ATF7IP: variants seen among roughly 807,000 people sequenced by gnomAD.
The protein encoded by ATF7IP is activating transcription factor 7-interacting protein 1.
In ATF7IP, 23 loss-of-function variants were observed where a neutral mutation model predicts 106.4. That is an observed-to-expected ratio of 0.22 (90% CI 0.16 to 0.31). The LOEUF (loss-of-function observed/expected upper bound fraction) is 0.31, where lower values mean the gene tolerates loss of function less well. ATF7IP is among the 10% of genes least tolerant of loss of function. The pLI is 1.00. For missense variants in ATF7IP, 1,334 were observed against 1,524.3 expected, an observed-to-expected ratio of 0.88 and a Z score of 2.08; for synonymous variants, 542 against 539.0, an observed-to-expected ratio of 1.01 and a Z score of -0.08.
chr12:14,431,392 A>T (rs953234495), intron 2 of ATF7IP, among the ~76,000 whole-genome samples: 1 of 151,092 alleles, frequency 6.6e-6, no homozygotes, highest in African/African-American at 2.5e-5. Flanking sequence ...TTCTAAAAAA[A>T]ACATTCTTTT....
chr12:14,466,655 A>G (rs756136848), intron 10 of ATF7IP, 65 bp downstream of exon 10: 15 of 1,274,044 alleles, frequency 1.2e-5, no homozygotes, highest in Admixed American at 6.9e-5. Context: ...ATGAATTTTC[A>G]TCATTCTTTG....
intron 5 of ATF7IP, 77 bp from the exon 6 acceptor site, chr12:14,446,911 T>C: frequency 9.0e-7 from 1 of 1,113,704 alleles, no homozygotes; most frequent in Non-Finnish European, 1.3e-6. Context: ...TTTCTTTTTA[T>C]ATATTCATGG....
chr12:14,486,396 GA>G (rs1311921476), intron 13 of ATF7IP, among the ~76,000 whole-genome samples: 1 of 152,166 alleles, frequency 6.6e-6, no homozygotes. Context: ...AAGGATGGGA[GA>G]AAGATTCACT....
intron 12 of ATF7IP, among the ~76,000 whole-genome samples, chr12:14,480,576 G>C (rs1408129643): frequency 6.6e-6 from 1 of 152,146 alleles, no homozygotes; most frequent in Admixed American, 6.5e-5. Context: ...TGATCTTTGG[G>C]AATACAAAAA....
Position 14,502,323 on chromosome 12 carries a change from G to C in ATF7IP, c.*4250G>C, listed in dbSNP as rs1331346372. ...CAATTCTCATGAAGCGTTTGTTAGT[G>C]TGGCAGACTTGTCTAATTCCTGAAA... On this transcript the variant is annotated 3_prime_UTR_variant, in exon 15 of 15. Coordinates refer to ENST00000261168, the MANE Select transcript of ATF7IP (RefSeq NM_018179.5). 6.6e-6 allele frequency: 1 copy of C among 152,148 alleles called. No homozygotes were observed. The highest frequency in any genetic ancestry group is 6.5e-5 in the Admixed American group (1 of 15,276). 9.4% of individuals were successfully genotyped at this position (152,148 alleles called of 1,614,324 possible).
intron 1 of ATF7IP, among the ~76,000 whole-genome samples, chr12:14,393,192 G>A (rs1939661239): frequency 6.6e-6 from 1 of 151,984 alleles, no homozygotes; most frequent in African/African-American, 2.4e-5. Flanking sequence ...ATTCATGGTT[G>A]GATGCATGAT....
chr12:14,438,534 G>A (rs1942529775), intron 5 of ATF7IP, among the ~76,000 whole-genome samples: 2 of 151,410 alleles, frequency 1.3e-5, no homozygotes, highest in South Asian at 4.2e-4. Flanking sequence ...TGAGGGCTGT[G>A]CTGTGAGGAA....
At chr12:14,378,024 C>T (rs1938825897) in intron 1 of ATF7IP, among the ~76,000 whole-genome samples, 1 of 151,772 alleles carries the variant, frequency 6.6e-6, no homozygotes, top group Admixed American at 6.6e-5. Context: ...AGTTATGATA[C>T]TTTATACAGT....
At chr12:14,474,552 C>T (rs1944188187) in intron 10 of ATF7IP, among the ~76,000 whole-genome samples, 1 of 151,994 alleles carries the variant, frequency 6.6e-6, no homozygotes, top group Non-Finnish European at 1.5e-5. Context: ...AGACACCCAC[C>T]ACCATGCCTG....
chr12:14,495,917 ACCT>A (rs1414160641), intron 13 of ATF7IP, among the ~76,000 whole-genome samples: 1 of 151,528 alleles, frequency 6.6e-6, no homozygotes, highest in Non-Finnish European at 1.5e-5. Context: ...CCTGTGCTGG[ACCT>A]CCTGTTGCTT....
Position 14,469,346 on chromosome 12 carries a change from C to G in ATF7IP, c.2862+2756C>G, listed in dbSNP as rs1455214939. Among the ~76,000 whole-genome samples the G allele has an allele frequency of 8.7e-5, 9 of 103,268 alleles. No individual in the cohort carries two copies. The Admixed American group carries it at 1.2e-3, about 13-fold the overall frequency. The allele number at this position is 103,268 out of a possible 152,430, so 67.7% of individuals were successfully genotyped here. On this transcript the variant is annotated intron_variant, in intron 10 of 14. Coordinates refer to ENST00000261168, the MANE Select transcript of ATF7IP (RefSeq NM_018179.5). ...TGCCACTGCATTCCAGCCTGGGTGA[C>G]AGAATGAGACTGTCTCAAAAAAAAA...
chr12:14,426,823 C>CAAAAAAA (rs1491532843), intron 2 of ATF7IP, among the ~76,000 whole-genome samples: 276 of 16,044 alleles, frequency 0.017, 10 homozygotes, highest in Non-Finnish European at 0.025. Flanking sequence ...GACCCTGCCT[C>CAAAAAAA]AAAAAAAAAA....
intron 13 of ATF7IP, 147 bp downstream of exon 13, chr12:14,481,332 C>T (rs557446517): frequency 2.9e-5 from 20 of 679,310 alleles, no homozygotes; most frequent in Non-Finnish European, 3.9e-5. Context: ...GAGATCTGTA[C>T]TACAACATAG....
intron 1 of ATF7IP, among the ~76,000 whole-genome samples, chr12:14,406,496 GA>G (rs917652619): frequency 1.3e-5 from 2 of 151,796 alleles, no homozygotes; most frequent in African/African-American, 4.8e-5. Flanking sequence ...TTGCAATGAG[GA>G]TAACAGTATA....
chr12:14,460,809 G>C lies in ATF7IP; in HGVS notation c.2473G>C (p.Val825Leu). ...EFISVQSPPT[V>L]SGLTKNPVSL... ...CATTTCTGTGCAAAGCCCACCTACA[G>C]TGAGTGGTCTTACCAAAAATCCAGT... The change falls in exon 9 of 15, where the codon GTG (valine) becomes CTG (leucine). Residue 825 changes from valine (V) to leucine (L), a missense_variant. By Grantham distance (32) the Val-to-Leu change is conservative (BLOSUM62 1). Coordinates refer to ENST00000261168, the MANE Select transcript of ATF7IP (RefSeq NM_018179.5). 6.2e-7 allele frequency: 1 copy of C among 1,614,190 alleles called. No individual in the cohort carries two copies. The highest frequency in any genetic ancestry group is 8.5e-7 in the Non-Finnish European group (1 of 1,180,036).
chr12:14,480,389 CA>C (rs1326339194), intron 12 of ATF7IP, among the ~76,000 whole-genome samples: 1 of 151,912 alleles, frequency 6.6e-6, no homozygotes, highest in East Asian at 1.9e-4. Context: ...CTGGAACATA[CA>C]ATAGGAGGAA....
In ATF7IP at chr12:14,479,455, A is replaced by G. The variant is rs376507852; in HGVS notation, c.3097+983A>G. 3.9e-5 allele frequency among the ~76,000 whole-genome samples: 6 copies of G among 152,296 alleles called. 1 individual carries two copies. The East Asian group carries it at 7.7e-4, about 20-fold the overall frequency. On this transcript the variant is annotated intron_variant, in intron 12 of 14. Coordinates refer to ENST00000261168, the MANE Select transcript of ATF7IP (RefSeq NM_018179.5). The stretch of plus-strand genomic sequence containing the variant: ...GCAGCAGTCCATTGCTTGAAGATTT[A>G]TCTGCACAGTACTTATATAAGTACT...
chr12:14,440,822 G>A (rs190633909), intron 5 of ATF7IP, among the ~76,000 whole-genome samples: 4 of 152,170 alleles, frequency 2.6e-5, no homozygotes, highest in Middle Eastern at 3.4e-3. Flanking sequence ...TGTCTCTATC[G>A]ATTTACCTGT....
At chr12:14,490,699 G>A (rs1313118339) in intron 13 of ATF7IP, among the ~76,000 whole-genome samples, 2 of 152,132 alleles carry the variant, frequency 1.3e-5, no homozygotes, top group East Asian at 3.9e-4. Flanking sequence ...TGAGGCCATT[G>A]GTGCAGGCTG....
Sources: gnomAD v4.1 joint callset for allele counts (sites outside exome capture counted in the v4.1 genomes callset) on GRCh38, gnomAD v4.1.1 for gene constraint, MANE v1.5 for transcripts, NCBI Gene and HGNC (gene_info 2026-07-23, HGNC 2026-07-21) for gene names.